BANK1: variants seen among roughly 807,000 people sequenced by gnomAD.
The protein encoded by BANK1 is B-cell scaffold protein with ankyrin repeats.
A neutral mutation model predicts 94.5 loss-of-function variants in BANK1; 95 were observed. The ratio of observed to expected loss-of-function variants is 1.00; its 90% confidence interval spans 0.85 to 1.19. The LOEUF (loss-of-function observed/expected upper bound fraction) is 1.19, where lower values mean the gene tolerates loss of function less well. BANK1 is among the 50% of genes most tolerant of loss of function. BANK1 has a pLI of 0.00. For missense variants in BANK1, 987 were observed against 932.2 expected (o/e 1.06, Z -0.77); for synonymous variants, 334 against 308.4 (o/e 1.08, Z -0.87).
At chr4:102,002,325 G>C (rs962178917) in intron 7 of BANK1, among the ~76,000 whole-genome samples, 5 of 151,328 alleles carry the variant, frequency 3.3e-5, no homozygotes, top group Admixed American at 3.3e-4. Context: ...TCTTGGGCAA[G>C]TTACTTAATC....
intron 7 of BANK1, among the ~76,000 whole-genome samples, chr4:101,972,260 T>A (rs1724982123): frequency 6.6e-6 from 1 of 152,088 alleles, no homozygotes; most frequent in South Asian, 2.1e-4. Context: ...TTCCCTTGAT[T>A]TCTCTTTTGG....
At chr4:101,934,210 G>C (rs1723452341) in intron 7 of BANK1, among the ~76,000 whole-genome samples, 1 of 151,440 alleles carries the variant, frequency 6.6e-6, no homozygotes, top group Admixed American at 6.6e-5. Flanking sequence ...AGCAGCCTAA[G>C]GGTATGCTGA....
chr4:102,030,414 A>AT (rs372171388), intron 10 of BANK1, 149 bp downstream of exon 10: 35 of 698,136 alleles, frequency 5.0e-5, no homozygotes, highest in East Asian at 8.8e-5. Flanking sequence ...ATACTGGCTC[A>AT]TTTTTTTTCC....
chr4:101,850,339 T>C (rs1727426666), intron 2 of BANK1, among the ~76,000 whole-genome samples: 2 of 152,172 alleles, frequency 1.3e-5, no homozygotes, highest in South Asian at 4.1e-4. Context: ...TGGTGTGATC[T>C]AGGCTCACTG....
At chr4:101,992,504 G>T (rs1404164719) in intron 7 of BANK1, among the ~76,000 whole-genome samples, 1 of 152,058 alleles carries the variant, frequency 6.6e-6, no homozygotes, top group East Asian at 1.9e-4. Flanking sequence ...TACAGCTTGT[G>T]TTTAGACATA....
At chr4:101,839,341 A>T (rs1236019443) in intron 2 of BANK1, among the ~76,000 whole-genome samples, 1 of 152,192 alleles carries the variant, frequency 6.6e-6, no homozygotes, top group Non-Finnish European at 1.5e-5. Context: ...CTAGGCAATT[A>T]TGATTTCCTT....
chr4:102,042,078 C>A (rs971024859), intron 10 of BANK1, among the ~76,000 whole-genome samples: 1 of 151,922 alleles, frequency 6.6e-6, no homozygotes, highest in Non-Finnish European at 1.5e-5. Context: ...ATATGAATGA[C>A]GCCAGCTTTT....
rs1006459366 is a variant in BANK1, at chr4:101,918,148, C to T, written c.1165C>T (p.His389Tyr). Residue 389 changes from histidine to tyrosine, a missense_variant, in exon 7 of 17, where the codon CAT (histidine) becomes TAT (tyrosine). By Grantham distance (83) the His-to-Tyr change is moderately conservative. Transcript: ENST00000322953. ...GSDPAHIAER[H>Y]GHKELKKIFE... is the part of the protein sequence containing the mutation. ...AGACCCCGCACATATTGCTGAAAGG[C>T]ATGGTCACAAAGAACTCAAGAAAAT... The T allele has an allele frequency of 3.1e-6, 5 of 1,595,236 alleles. No homozygotes were observed. In the African/African-American group the frequency reaches 4.0e-5, roughly 13 times the overall value.
intron 7 of BANK1, among the ~76,000 whole-genome samples, chr4:102,012,408 T>C (rs992926348): frequency 1.3e-5 from 2 of 151,982 alleles, no homozygotes; most frequent in African/African-American, 4.8e-5. Flanking sequence ...AAAATAACTC[T>C]CTTAATTCTG....
intron 2 of BANK1, among the ~76,000 whole-genome samples, chr4:101,831,477 T>G (rs2148863944): frequency 6.6e-6 from 1 of 152,300 alleles, no homozygotes; most frequent in South Asian, 2.1e-4. Context: ...TTTTTTTGTT[T>G]GTTTTGTTTT....
chr4:101,871,351 CAAATTTACCATA>C (rs904726183), intron 5 of BANK1, among the ~76,000 whole-genome samples: 2 of 151,964 alleles, frequency 1.3e-5, no homozygotes, highest in African/African-American at 4.8e-5. Flanking sequence ...GAAGTATCTT[CAAATTTACCATA>C]AAATTTACCA....
intron 9 of BANK1, among the ~76,000 whole-genome samples, chr4:102,028,458 CAT>C (rs970950264): frequency 6.6e-6 from 1 of 152,180 alleles, no homozygotes; most frequent in African/African-American, 2.4e-5. Flanking sequence ...AATCTCGCCT[CAT>C]AATCTTACCC....
chr4:101,873,464 A>T (rs10016018), intron 5 of BANK1, among the ~76,000 whole-genome samples: 66,113 of 151,404 alleles, frequency 0.44, 15,182 homozygotes, highest in African/African-American at 0.59. Context: ...GCAGGATTTA[A>T]GTTTCAGCAA....
At chr4:101,932,070 G>A (rs1168945050) in intron 7 of BANK1, among the ~76,000 whole-genome samples, 2 of 151,462 alleles carry the variant, frequency 1.3e-5, no homozygotes, top group African/African-American at 2.4e-5. Flanking sequence ...GAAAGTAAAG[G>A]GACCTGTTTT....
chr4:101,812,714 G>T (rs1292858614), intron 1 of BANK1, among the ~76,000 whole-genome samples: 3 of 151,780 alleles, frequency 2.0e-5, no homozygotes, highest in African/African-American at 7.3e-5. Context: ...TTAAAATTAT[G>T]CCTAGATATT....
At chr4:101,870,212 C>T (rs1217257159) in intron 4 of BANK1, among the ~76,000 whole-genome samples, 1 of 151,836 alleles carries the variant, frequency 6.6e-6, no homozygotes, top group African/African-American at 2.4e-5. Flanking sequence ...TAGATTATTA[C>T]AAAGAAAAGT....
intron 5 of BANK1, among the ~76,000 whole-genome samples, chr4:101,875,053 A>G (rs781193038): frequency 2.0e-5 from 3 of 152,222 alleles, no homozygotes; most frequent in Admixed American, 6.5e-5. Flanking sequence ...AACTGTCTAT[A>G]TAAGAAAACC....
At chr4:102,046,692 T>C (rs769710491) in intron 11 of BANK1, among the ~76,000 whole-genome samples, 1 of 152,186 alleles carries the variant, frequency 6.6e-6, no homozygotes, top group Non-Finnish European at 1.5e-5. Flanking sequence ...TTATTTGTTA[T>C]GCAGAGAAGA....
chr4:101,811,224 T>C (rs1725722272), intron 1 of BANK1, among the ~76,000 whole-genome samples: 1 of 152,202 alleles, frequency 6.6e-6, no homozygotes, highest in African/African-American at 2.4e-5. Context: ...GACAACTTGT[T>C]AGATGTACAA....
Sources: gnomAD v4.1 joint callset for allele counts (sites outside exome capture counted in the v4.1 genomes callset) on GRCh38, gnomAD v4.1.1 for gene constraint, MANE v1.5 for transcripts, NCBI Gene and HGNC (gene_info 2026-07-23, HGNC 2026-07-21) for gene names.